The following C16orf96 variants were observed in gnomAD, a reference collection of about 807,000 sequenced individuals.
C16orf96 encodes uncharacterized protein C16orf96.
C16orf96 carries 108 observed loss-of-function variants against 103.6 expected under a neutral mutation model. The observed-to-expected ratio is 1.04, with a 90% CI of 0.89 to 1.22. The LOEUF is 1.22. Among genes scored for constraint, C16orf96 ranks in the 50% most tolerant of loss-of-function variants. The pLI is 0.00. For missense variants in C16orf96, 1,586 were observed against 1,464.2 expected (o/e 1.08, Z -1.36); for synonymous variants, 566 against 593.5 (o/e 0.95, Z 0.67).
chr16:4,584,730 C>T lies in C16orf96; in HGVS notation c.2353-2309C>T, dbSNP rs113353281. ...TTTATTTTGAGTAGAGACAGGGTTT[C>T]ACCACATTGGCCAGGCTGGTCTTGA... On this transcript the variant is annotated intron_variant, in intron 7 of 15. Transcript: ENST00000444310. 3.3e-3 allele frequency among the ~76,000 whole-genome samples: 496 copies of T among 152,202 alleles called. 5 individuals are homozygous for T. Among genetic ancestry groups the T allele is most frequent in the African/African-American group, 0.011 (469 of 41,520 alleles).
chr16:4,594,760 C>T lies in C16orf96; in HGVS notation c.3084C>T (p.Ser1028=). The T allele has an allele frequency of 6.4e-7, 1 of 1,550,992 alleles. No homozygotes were observed. The change falls in exon 14 of 16, where the codon AGC becomes AGT. Residue 1028 remains serine (S), a synonymous_variant. Transcript: ENST00000444310. ...DGILYKGRVN[S]QRGAQPLAVA... ...TCCTGTACAAAGGCCGCGTGAACAG[C>T]CAGCGTGGGGCTCAGCCCTTGGCCG...
chr16:4,568,850 G>A (rs773926587), intron 1 of C16orf96, among the ~76,000 whole-genome samples: 72 of 151,446 alleles, frequency 4.8e-4, no homozygotes, highest in Non-Finnish European at 9.3e-4. Context: ...GGCTGGTTTC[G>A]AACTCCTGGG....
rs529310069 is a variant in C16orf96, at chr16:4,573,863, T to G, written c.526-846T>G. Among the ~76,000 whole-genome samples the G allele has an allele frequency of 1.7e-3, 259 of 152,206 alleles. 1 individual carries two copies. Among genetic ancestry groups the G allele is most frequent in the African/African-American group, 5.8e-3 (243 of 41,540 alleles). On this transcript the variant is annotated intron_variant, in intron 2 of 15. Transcript: ENST00000444310. ...TTTGTATTCTTTTTGAGACGGAGTC[T>G]CTCTCTGTCACCCAGGCTGGAGTGC...
At chr16:4,570,500 C>T (rs983537232) in intron 1 of C16orf96, among the ~76,000 whole-genome samples, 10 of 138,154 alleles carry the variant, frequency 7.2e-5, no homozygotes, top group East Asian at 2.2e-4. Context: ...AGACTCACTT[C>T]GTTGTCCAGT....
intron 6 of C16orf96, 114 bp from the exon 7 acceptor site, chr16:4,579,901 A>T: frequency 1.2e-6 from 1 of 854,222 alleles, no homozygotes; most frequent in Non-Finnish European, 1.8e-6. Context: ...ATGAGCCACC[A>T]CGCCCAGCCT....
chr16:4,571,679 C>A lies in C16orf96; in HGVS notation c.525+14C>A. 1.9e-6 allele frequency: 3 copies of A among 1,546,814 alleles called. No individual in the cohort carries two copies. Among genetic ancestry groups the A allele is most frequent in the Non-Finnish European group, 1.7e-6 (2 of 1,143,246 alleles). On this transcript the variant is annotated intron_variant, in intron 2 of 15. Transcript: ENST00000444310. ...ATGCTTGACAAGGTAGGCCCTCCCC[C>A]AGCATCCTCCATGCCAGCTGCGTTG...
At chr16:4,545,418 C>G in the C16orf96 span, among the ~76,000 whole-genome samples, 1 of 152,150 alleles carries the variant, frequency 6.6e-6, no homozygotes, top group Non-Finnish European at 1.5e-5. Flanking sequence ...TGTCAACTTC[C>G]TGAGCTCAAG....
chr16:4,573,241 C>G (rs2059458577), intron 2 of C16orf96, among the ~76,000 whole-genome samples: 1 of 151,914 alleles, frequency 6.6e-6, no homozygotes. Flanking sequence ...AGTTCGAGAC[C>G]AGCCTGGCCA....
In C16orf96 at chr16:4,576,095, C is replaced by T; in HGVS notation, c.1615C>T (p.Pro539Ser). ...AGATAGAGGTGGCAAAGATGGGGAC[C>T]CCAAGGATAGAGTTGGCAAGGATGG... ...PKDRGGKDGD[P>S]KDRVGKDGAP... The change falls in exon 5 of 16, where the codon CCC becomes TCC. Residue 539 changes from proline to serine, a missense_variant. Physicochemically the swap from Pro to Ser is moderately conservative, Grantham distance 74. Coordinates refer to ENST00000444310, the MANE Select transcript of C16orf96 (RefSeq NM_001145011.2). 1 of 1,551,470 alleles carries T rather than the reference C, an allele frequency of 6.4e-7. No individual in the cohort carries two copies. The highest frequency in any genetic ancestry group is 8.7e-7 in the Non-Finnish European group (1 of 1,146,930).
the C16orf96 span, among the ~76,000 whole-genome samples, chr16:4,547,672 G>GCTTGCTTCCTTC: frequency 1.7e-4 from 18 of 105,726 alleles, 1 homozygote; most frequent in African/African-American, 5.5e-4. Flanking sequence ...TTCCTTCCTT[G>GCTTGCTTCCTTC]CTTCCTTCCT....
chr16:4,538,750 T>G, the C16orf96 span: 1 of 152,098 alleles, frequency 6.6e-6, no homozygotes, highest in African/African-American at 2.4e-5. Flanking sequence ...ACCGAACGCC[T>G]CGGCAGCTGG....
At chr16:4,576,818 A>G (rs1008856572) in intron 5 of C16orf96, among the ~76,000 whole-genome samples, 183 bp downstream of exon 5, 1 of 152,154 alleles carries the variant, frequency 6.6e-6, no homozygotes, top group Non-Finnish European at 1.5e-5. Context: ...TTGAATGTAC[A>G]ATGAGGTCTT....
the C16orf96 span, among the ~76,000 whole-genome samples, chr16:4,547,099 CT>C: frequency 6.6e-6 from 1 of 152,196 alleles, no homozygotes. Context: ...GAAAGAAGCC[CT>C]TCCTAAGTGA....
At chr16:4,579,878 T>C in intron 6 of C16orf96, 137 bp from the exon 7 acceptor site, 4 of 664,984 alleles carry the variant, frequency 6.0e-6, no homozygotes, top group Non-Finnish European at 1.0e-5. Context: ...CCCAAAGTGC[T>C]GGGATTACAG....
At chr16:4,582,559 G>C (rs553331467) in intron 7 of C16orf96, among the ~76,000 whole-genome samples, 1 of 152,240 alleles carries the variant, frequency 6.6e-6, no homozygotes, top group East Asian at 1.9e-4. Context: ...CAGGAGGGTT[G>C]GCTGTCTCTG....
At chr16:4,548,604 G>A in the C16orf96 span, among the ~76,000 whole-genome samples, 1 of 152,194 alleles carries the variant, frequency 6.6e-6, no homozygotes, top group East Asian at 1.9e-4. Context: ...TGGGCGTGGT[G>A]GCTCATTCCT....
At chr16:4,538,685 G>A in the C16orf96 span, 2 of 152,276 alleles carry the variant, frequency 1.3e-5, no homozygotes, top group East Asian at 1.9e-4. Context: ...GTCTCCGAAT[G>A]CGTCCAGTCG....
chr16:4,549,669 G>A, the C16orf96 span, among the ~76,000 whole-genome samples: 3 of 151,858 alleles, frequency 2.0e-5, no homozygotes, highest in African/African-American at 7.3e-5. Context: ...AGGGTTGCGG[G>A]CGCCTGCAAT....
intron 14 of C16orf96, among the ~76,000 whole-genome samples, chr16:4,595,983 G>T (rs1332408954): frequency 2.0e-5 from 3 of 151,970 alleles, no homozygotes; most frequent in Non-Finnish European, 4.4e-5. Flanking sequence ...CTCTGCGCCT[G>T]GCCCACCGGC....
Sources: gnomAD v4.1 joint callset for allele counts (sites outside exome capture counted in the v4.1 genomes callset) on GRCh38, gnomAD v4.1.1 for gene constraint, MANE v1.5 for transcripts, NCBI Gene and HGNC (gene_info 2026-07-23, HGNC 2026-07-21) for gene names.